The following ANO3 variants were observed in gnomAD, a reference collection of about 807,000 sequenced individuals.
ANO3 encodes the protein anoctamin 3.
Under a neutral mutation model 144.8 loss-of-function variants are expected in ANO3, and 99 were observed. The observed-to-expected ratio is 0.68, with a 90% CI of 0.58 to 0.81. ANO3 has a LOEUF of 0.81. ANO3 is among the 30% of genes least tolerant of loss of function. ANO3 has a pLI of 0.00. For synonymous variants in ANO3, 414 were observed against 392.6 expected (o/e 1.05, Z -0.64); for missense variants, 905 against 1,202.2 (o/e 0.75, Z 3.66).
intron 1 of ANO3, among the ~76,000 whole-genome samples, chr11:26,223,577 G>A (rs895059493): frequency 6.9e-5 from 10 of 144,714 alleles, no homozygotes; most frequent in Admixed American, 2.9e-4. Context: ...CCAATTTTCT[G>A]TGCTAGTCCA....
intron 1 of ANO3, among the ~76,000 whole-genome samples, chr11:26,191,305 T>TAC (rs202039304): frequency 2.0e-4 from 30 of 149,232 alleles, no homozygotes; most frequent in East Asian, 1.2e-3. Context: ...CATATATATA[T>TAC]ACACACACAC....
At chr11:26,606,502 G>C (rs1188718693) in intron 17 of ANO3, among the ~76,000 whole-genome samples, 6 of 151,994 alleles carry the variant, frequency 3.9e-5, no homozygotes, top group Non-Finnish European at 7.4e-5. Context: ...CTGTCTCATT[G>C]ATCTATCTAA....
chr11:26,650,930 T>C (rs767873552), intron 24 of ANO3, among the ~76,000 whole-genome samples: 9 of 152,244 alleles, frequency 5.9e-5, no homozygotes, highest in Non-Finnish European at 1.2e-4. Flanking sequence ...GAATGCTCAC[T>C]ACTAGCTTGT....
At chr11:26,330,293 G>A (rs1394378890), upstream of ANO3, among the ~76,000 whole-genome samples, 1 of 151,834 alleles carries the variant, frequency 6.6e-6, no homozygotes, top group Non-Finnish European at 1.5e-5. Flanking sequence ...AAACATCCTC[G>A]AGCAAGTCAT....
intron 4 of ANO3, among the ~76,000 whole-genome samples, chr11:26,505,011 CAAAAAAAAAA>C (rs61530995): frequency 3.1e-5 from 2 of 63,686 alleles, no homozygotes; most frequent in South Asian, 9.3e-4. Context: ...GACTCCACCT[CAAAAAAAAAA>C]AAAAAAAAAA....
chr11:26,455,595 C>A (rs1345643751), intron 3 of ANO3, among the ~76,000 whole-genome samples: 34 of 152,030 alleles, frequency 2.2e-4, no homozygotes, highest in African/African-American at 6.0e-4. Flanking sequence ...ATGGAAGAAC[C>A]TTCCATGCTC....
chr11:26,307,721 A>AAATAATAAT (rs56805697), upstream of ANO3, among the ~76,000 whole-genome samples: 28,507 of 142,268 alleles, frequency 0.2, 3,449 homozygotes, highest in East Asian at 0.27. Flanking sequence ...CTCCGTCTCT[A>AAATAATAAT]AATAATAATA....
rs1313173908 is a variant in ANO3 at position 26,590,037 on chromosome 11, GTT to G, written c.1448-8327_1448-8326del. Among the ~76,000 whole-genome samples, 78 of 152,262 alleles carry G rather than the reference GTT, an allele frequency of 5.1e-4. 1 individual carries two copies. Among genetic ancestry groups the G allele is most frequent in the African/African-American group, 1.7e-3 (72 of 41,562 alleles). Reference sequence around the variant, plus strand: ...CGTGACATTTCTGACCTTCTCCAAGGTTAGAAACCAACAGGGATAACATCTCT... The same window carrying G: ...CGTGACATTTCTGACCTTCTCCAAGGAGAAACCAACAGGGATAACATCTCT... On this transcript the variant is annotated intron_variant, in intron 14 of 26. Transcript: ENST00000256737.
intron 3 of ANO3, among the ~76,000 whole-genome samples, chr11:26,457,201 C>T (rs10834981): frequency 0.94 from 141,475 of 150,812 alleles, 66,539 homozygotes; most frequent in East Asian, 1. Flanking sequence ...ATTGTGCACA[C>T]GTACCCTAAA....
intron 1 of ANO3, among the ~76,000 whole-genome samples, chr11:26,266,817 C>A (rs1003944424): frequency 6.6e-6 from 1 of 151,110 alleles, no homozygotes; most frequent in Admixed American, 6.6e-5. Flanking sequence ...TGTGGTGGCT[C>A]ACATCTGTAA....
intron 1 of ANO3, among the ~76,000 whole-genome samples, chr11:26,417,948 T>C (rs1373599690): frequency 6.6e-6 from 1 of 152,096 alleles, no homozygotes; most frequent in Non-Finnish European, 1.5e-5. Context: ...ACAACTACAA[T>C]TTTCTCACCC....
rs537569610 is a variant in ANO3 at position 26,286,934 on chromosome 11, G to A, written c.155-22711G>A. Among the ~76,000 whole-genome samples, 9 of 152,260 alleles carry A rather than the reference G, an allele frequency of 5.9e-5. No individual in the cohort carries two copies. The East Asian group carries it at 1.5e-3, about 26-fold the overall frequency. On this transcript the variant is annotated intron_variant, in intron 1 of 27. Coordinates refer to the ANO3 transcript ENST00000672621. ...ATGTGTTTTCTTTATTGAACTCTGG[G>A]CCAACAGACATTCAGATTTTTGCAG... is the stretch of plus-strand genomic sequence containing the variant.
intron 1 of ANO3, 139 bp downstream of exon 1, chr11:26,332,460 ATT>A: frequency 5.4e-5 from 44 of 821,524 alleles, no homozygotes; most frequent in Non-Finnish European, 7.1e-5. Flanking sequence ...AAAAAAAAAA[ATT>A]AAATTCCTCT....
intron 1 of ANO3, among the ~76,000 whole-genome samples, chr11:26,375,741 C>T (rs560532301): frequency 7.2e-5 from 11 of 152,180 alleles, no homozygotes; most frequent in Admixed American, 5.9e-4. Flanking sequence ...GAGAAAAAAT[C>T]CAACAGCAAT....
intron 1 of ANO3, among the ~76,000 whole-genome samples, chr11:26,433,401 A>T (rs1355789293): frequency 6.6e-6 from 1 of 151,776 alleles, no homozygotes; most frequent in African/African-American, 2.4e-5. Context: ...CTCTTGCCTG[A>T]TTGTTTTGGC....
intron 1 of ANO3, among the ~76,000 whole-genome samples, chr11:26,282,419 A>T (rs1458396382): frequency 6.6e-6 from 1 of 152,090 alleles, no homozygotes; most frequent in East Asian, 1.9e-4. Flanking sequence ...ATAAAATTAG[A>T]TGAAGTCATA....
chr11:26,317,416 A>G (rs981890847), intron 1 of ANO3, among the ~76,000 whole-genome samples: 36 of 149,120 alleles, frequency 2.4e-4, no homozygotes, highest in African/African-American at 8.1e-4. Context: ...AATTTACAAG[A>G]AAAAAAAAAC....
At chr11:26,504,007 T>A (rs372713877) in intron 4 of ANO3, among the ~76,000 whole-genome samples, 1 of 152,204 alleles carries the variant, frequency 6.6e-6, no homozygotes, top group East Asian at 1.9e-4. Context: ...TGAGACTCAG[T>A]TGATTCCGTT....
At chr11:26,454,349 A>G (rs1432274362) in intron 3 of ANO3, among the ~76,000 whole-genome samples, 1 of 151,948 alleles carries the variant, frequency 6.6e-6, no homozygotes, top group Non-Finnish European at 1.5e-5. Flanking sequence ...TAAAGAAGAA[A>G]AGAGAGAAGA....
Sources: gnomAD v4.1 joint callset for allele counts (sites outside exome capture counted in the v4.1 genomes callset) on GRCh38, gnomAD v4.1.1 for gene constraint, MANE v1.5 for transcripts, NCBI Gene and HGNC (gene_info 2026-07-23, HGNC 2026-07-21) for gene names.